The following MYO1G variants were observed in gnomAD, a reference collection of about 807,000 sequenced individuals.
MYO1G encodes the protein unconventional myosin-Ig.
Under a neutral mutation model 115.3 loss-of-function variants are expected in MYO1G, and 65 were observed. That is an observed-to-expected ratio of 0.56 (90% CI 0.46 to 0.69). The LOEUF is 0.69. MYO1G is among the 30% of genes least tolerant of loss of function. The pLI is 0.00. For synonymous variants in MYO1G, 510 were observed against 552.6 expected (o/e 0.92, Z 1.08); for missense variants, 1,204 against 1,393.5 (o/e 0.86, Z 2.16).
Position 44,966,096 on chromosome 7 carries a change from T to C in MYO1G, c.2134A>G (p.Ile712Val). 1 of 1,612,882 alleles carries C rather than the reference T, an allele frequency of 6.2e-7. No homozygotes were observed. Among genetic ancestry groups the C allele is most frequent in the Non-Finnish European group, 8.5e-7 (1 of 1,179,946 alleles). Residue 712 changes from isoleucine to valine, a missense_variant, in exon 16 of 22, where the codon ATC (isoleucine) becomes GTC (valine). Transcript: ENST00000258787. This position sits in a 1 kb window ranked among gnomAD's most constrained non-coding sequence, Gnocchi z 5.0. ...LEQSRARLIP[I>V]IVLLLQKAWR... is the part of the protein sequence containing the mutation. ...ACCTTCTGCAATAGCAGCACAATGA[T>C]GGGGATGAGGCGGGCTCGGCTCTGC...
intron 2 of MYO1G, 82 bp downstream of exon 2, chr7:44,976,781 C>A: frequency 6.3e-7 from 1 of 1,578,538 alleles, no homozygotes; most frequent in Non-Finnish European, 8.7e-7. Context: ...GGACACAGGG[C>A]ACAGGAGATG....
In MYO1G at chr7:44,966,938, G is replaced by T; in HGVS notation, c.1783-100C>A. The T allele has an allele frequency of 7.8e-7, 1 of 1,286,650 alleles. No homozygotes were observed. Among genetic ancestry groups the T allele is most frequent in the Non-Finnish European group, 1.1e-6 (1 of 935,832 alleles). 79.7% of individuals were successfully genotyped at this position (1,286,650 alleles called of 1,614,324 possible). A position where few individuals can be genotyped will look rare whatever the true frequency, so the allele number is the denominator to read the frequency against. ...CTAACCCCTCAAGGTCCCAGGCCAG[G>T]AGAAGAGTTGGGAACAAAGAAGGGA... On this transcript the variant is annotated intron_variant, in intron 14 of 21. Transcript: ENST00000258787. This position sits in a 1 kb window ranked among gnomAD's most constrained non-coding sequence, Gnocchi z 5.0.
chr7:44,971,813 T>G (rs1264970384), intron 6 of MYO1G, 24 bp from the exon 7 acceptor site: 2 of 1,518,262 alleles, frequency 1.3e-6, no homozygotes, highest in Admixed American at 3.9e-5. Flanking sequence ...GATTCATCAC[T>G]CCAAAGCCAC....
intron 1 of MYO1G, 32 bp from the exon 2 acceptor site, chr7:44,977,103 A>G (rs1418466852): frequency 6.3e-7 from 1 of 1,598,706 alleles, no homozygotes; most frequent in South Asian, 1.1e-5. Context: ...CTCAGCACTC[A>G]CAGGCTTACA....
Position 44,966,036 on chromosome 7 carries a change from C to T in MYO1G, c.2157+37G>A. The T allele has an allele frequency of 6.2e-7, 1 of 1,601,682 alleles. No homozygotes were observed. The highest frequency in any genetic ancestry group is 1.1e-5 in the South Asian group (1 of 90,900). ...CCCCTGGGACACAAGCTTTCCCCAC[C>T]TCCATAGTGGATGTCTTCCTGCCCC... On this transcript the variant is annotated intron_variant, in intron 16 of 21. Transcript: ENST00000258787. This position sits in a 1 kb window ranked among gnomAD's most constrained non-coding sequence, Gnocchi z 5.0.
At position 44,967,599 on chromosome 7, in the gene MYO1G, A is replaced by G; in HGVS notation, c.1782+6T>C. 1 of 1,613,780 alleles carries G rather than the reference A, an allele frequency of 6.2e-7. No individual in the cohort carries two copies. Among genetic ancestry groups the G allele is most frequent in the South Asian group, 1.1e-5 (1 of 91,082 alleles). Reference sequence around the variant, plus strand: ...ACAGCCAGAGTGGGAGAGGGGTGGAACATACCTTGGAGGCAAGGTTCTCCA... The same window carrying G: ...ACAGCCAGAGTGGGAGAGGGGTGGAGCATACCTTGGAGGCAAGGTTCTCCA... On this transcript the variant is annotated splice_donor_region_variant and intron_variant, in intron 14 of 21. Coordinates refer to ENST00000258787, the MANE Select transcript of MYO1G (RefSeq NM_033054.3).
intron 3 of MYO1G, 120 bp from the exon 4 acceptor site, chr7:44,975,769 G>T: frequency 8.5e-7 from 1 of 1,178,632 alleles, no homozygotes; most frequent in Non-Finnish European, 1.1e-6. Context: ...CTCTGAACTT[G>T]CTGAGAGGGA....
In MYO1G at chr7:44,970,577, T is replaced by TGGCC; in HGVS notation, c.1217+11_1217+14dup. 1.2e-6 allele frequency: 2 copies of TGGCC among 1,612,060 alleles called. No homozygotes were observed. The highest frequency in any genetic ancestry group is 1.7e-5 in the Admixed American group (1 of 59,968). On this transcript the variant is annotated intron_variant, in intron 9 of 21. Coordinates refer to ENST00000258787, the MANE Select transcript of MYO1G (RefSeq NM_033054.3). ...TGGGTGTCAGAGGTGGAGATGTGGC[T>TGGCC]GGCCAGCCACCCACCTGTTGACGGG...
chr7:44,972,444 C>G (rs1794977000), intron 5 of MYO1G: 1 of 534,164 alleles, frequency 1.9e-6, no homozygotes, highest in Non-Finnish European at 3.4e-6. Context: ...AGCTATGACT[C>G]CACCATGAAG....
At position 44,969,216 on chromosome 7, in the gene MYO1G, C is replaced by T. The variant is rs1794906725; in HGVS notation, c.1574+197G>A. Reference sequence around the variant, plus strand: ...AGAAGAATGCAGCCATGGTTAACCACTATCCTCAAACCCTGTTTCCTGCTC... The same window carrying T: ...AGAAGAATGCAGCCATGGTTAACCATTATCCTCAAACCCTGTTTCCTGCTC... On this transcript the variant is annotated intron_variant, in intron 12 of 21. Transcript: ENST00000258787. The surrounding 1 kb of genome is among the most constrained non-coding windows in gnomAD (Gnocchi z 5.0). The T allele has an allele frequency of 4.9e-6, 3 of 614,164 alleles. No individual in the cohort carries two copies. The highest frequency in any genetic ancestry group is 5.1e-5 in the Admixed American group (2 of 38,864). 38.0% of individuals were successfully genotyped at this position (614,164 alleles called of 1,614,324 possible).
In MYO1G at chr7:44,969,632, G is replaced by T. The variant is rs1366345217; in HGVS notation, c.1503+73C>A. On this transcript the variant is annotated intron_variant, in intron 11 of 21. Coordinates refer to ENST00000258787, the MANE Select transcript of MYO1G (RefSeq NM_033054.3). The surrounding 1 kb of genome is among the most constrained non-coding windows in gnomAD (Gnocchi z 5.0). Reference sequence around the variant, plus strand: ...TGGGTCCCCAACCAGGCCCCACGAGGCATGGGCAGCATGGTGCCTGTGGGG... The same window carrying T: ...TGGGTCCCCAACCAGGCCCCACGAGTCATGGGCAGCATGGTGCCTGTGGGG... The T allele has an allele frequency of 6.3e-7, 1 of 1,586,112 alleles. No homozygotes were observed. The highest frequency in any genetic ancestry group is 1.3e-5 in the African/African-American group (1 of 74,362).
rs1162932189 is a variant in MYO1G, at chr7:44,966,316, T to G, written c.1950-36A>C. 1 of 1,548,806 alleles carries G rather than the reference T, an allele frequency of 6.5e-7. No homozygotes were observed. The highest frequency in any genetic ancestry group is 2.4e-5 in the East Asian group (1 of 41,918). ...AGGACAGGGCAGTGTGGCCCAGGCC[T>G]GGGGGAGAGATGATGGAGCCCACCC... On this transcript the variant is annotated intron_variant, in intron 15 of 21. Transcript: ENST00000258787. This position sits in a 1 kb window ranked among gnomAD's most constrained non-coding sequence, Gnocchi z 5.0.
rs780972614 is a variant in MYO1G at position 44,966,773 on chromosome 7, G to A, written c.1848C>T (p.Asn616=). Reference sequence around the variant, plus strand: ...GGTATGCGACCTGGTGGCGACAGTGGTTCTCATCCAGCTTCCCAGCTACCT... The same window carrying A: ...GGTATGCGACCTGGTGGCGACAGTGATTCTCATCCAGCTTCCCAGCTACCT... ...EDKVAGKLDE[N]HCRHQVAYLG... is the part of the protein sequence containing the mutation. The change falls in exon 15 of 22, where the codon AAC becomes AAT. Residue 616 remains asparagine (N), a synonymous_variant. Transcript: ENST00000258787. The surrounding 1 kb of genome is among the most constrained non-coding windows in gnomAD (Gnocchi z 5.0). 20 of 1,613,554 alleles carry A rather than the reference G, an allele frequency of 1.2e-5. No individual in the cohort carries two copies. In the South Asian group the frequency reaches 2.1e-4, roughly 17 times the overall value.
intron 5 of MYO1G, 21 bp from the exon 6 acceptor site, chr7:44,972,246 T>G (rs1335871561): frequency 1.9e-6 from 3 of 1,579,218 alleles, no homozygotes; most frequent in African/African-American, 1.3e-5. Flanking sequence ...CAGGCATCCT[T>G]TAGACAAATA....
At chr7:44,971,634 T>G in intron 7 of MYO1G, 39 bp downstream of exon 7, 1 of 1,460,570 alleles carries the variant, frequency 6.8e-7, no homozygotes, top group African/African-American at 1.4e-5. Flanking sequence ...GAAACCCTTG[T>G]GGGGAAGTAG....
At chr7:44,977,099 A>G in intron 1 of MYO1G, 28 bp from the exon 2 acceptor site, 1 of 1,607,284 alleles carries the variant, frequency 6.2e-7, no homozygotes, top group Non-Finnish European at 8.5e-7. Context: ...AGGCCTCAGC[A>G]CTCACAGGCT....
At position 44,964,251 on chromosome 7, in the gene MYO1G, C is replaced by T; in HGVS notation, c.2632-89G>A. 2.2e-6 allele frequency: 3 copies of T among 1,338,034 alleles called. No individual in the cohort carries two copies. The South Asian group carries it at 3.7e-5, about 17-fold the overall frequency. 82.9% of individuals were successfully genotyped at this position (1,338,034 alleles called of 1,614,324 possible). A position where few individuals can be genotyped will look rare whatever the true frequency, so the allele number is the denominator to read the frequency against. On this transcript the variant is annotated intron_variant, in intron 19 of 21. Coordinates refer to ENST00000258787, the MANE Select transcript of MYO1G (RefSeq NM_033054.3). The surrounding 1 kb of genome is among the most constrained non-coding windows in gnomAD (Gnocchi z 5.1). ...CGGCAGTCCCTACTGCCTCCCCTCC[C>T]CGCTGGCGACAGTTTTGGGAGTGTC...
At chr7:44,975,849 G>A (rs1430453020) in intron 3 of MYO1G, among the ~76,000 whole-genome samples, 200 bp from the exon 4 acceptor site, 4 of 152,226 alleles carry the variant, frequency 2.6e-5, no homozygotes, top group Admixed American at 6.5e-5. Context: ...CTGAGAGGCT[G>A]GGAAATGCAC....
chr7:44,965,162 G>C, intron 17 of MYO1G, 73 bp from the exon 18 acceptor site: 3 of 1,542,790 alleles, frequency 1.9e-6, no homozygotes, highest in South Asian at 1.2e-5. Context: ...TCTCCACAGA[G>C]GAAGCTGAGC....
Sources: allele counts gnomAD v4.1 joint callset (sites outside exome capture counted in the v4.1 genomes callset), GRCh38; gene constraint gnomAD v4.1.1; non-coding constraint Gnocchi (gnomAD v3.1); transcripts MANE v1.5; gene names NCBI Gene and HGNC (gene_info 2026-07-23, HGNC 2026-07-21).